Variants in SLC38A8 observed in about 807,000 individuals in gnomAD.
SLC38A8 encodes the protein solute carrier family 38 member 8, also known as amino acid transporter SLC38A8.
A neutral mutation model predicts 46.0 loss-of-function variants in SLC38A8; 65 were observed. The observed-to-expected ratio is 1.41, with a 90% CI of 1.16 to 1.74. The LOEUF (loss-of-function observed/expected upper bound fraction) is 1.74, where lower values mean the gene tolerates loss of function less well. Ranked by LOEUF, SLC38A8 falls within the 40% of genes most tolerant of loss-of-function variation. The probability of loss-of-function intolerance (pLI) is 0.00; values close to 1 mark genes in which losing one functional copy is unlikely to be tolerated. For missense variants in SLC38A8, 998 were observed against 567.9 expected (o/e 1.76, Z -7.70); for synonymous variants, 447 against 243.7 (o/e 1.83, Z -7.77).
At chr16:84,025,147 A>G (rs2085146692) in intron 6 of SLC38A8, among the ~76,000 whole-genome samples, 1 of 106,300 alleles carries the variant, frequency 9.4e-6, no homozygotes, top group African/African-American at 3.0e-5. Context: ...GTCCAGACAC[A>G]CCGGGCGGGG....
At chr16:84,020,759 T>C (rs1356796701) in intron 7 of SLC38A8, among the ~76,000 whole-genome samples, 1 of 152,204 alleles carries the variant, frequency 6.6e-6, no homozygotes, top group Non-Finnish European at 1.5e-5. Context: ...GCCTCTAAGA[T>C]ATCTGAAATG....
chr16:84,015,064 G>GGGGATACCT (rs1398885065), intron 9 of SLC38A8, among the ~76,000 whole-genome samples: 34 of 152,220 alleles, frequency 2.2e-4, no homozygotes, highest in Admixed American at 4.6e-4. Context: ...TCAGGGTGTT[G>GGGGATACCT]GGGATACCTG....
chr16:84,026,852 C>A (rs571115110), intron 6 of SLC38A8, among the ~76,000 whole-genome samples: 11 of 152,248 alleles, frequency 7.2e-5, no homozygotes, highest in African/African-American at 9.6e-5. Context: ...TCCAGACAGA[C>A]AAGAAGTGCA....
At chr16:84,033,938 A>C (rs1280492020) in intron 3 of SLC38A8, among the ~76,000 whole-genome samples, 2 of 152,234 alleles carry the variant, frequency 1.3e-5, no homozygotes, top group Non-Finnish European at 2.9e-5. Flanking sequence ...GCAGTGGCTC[A>C]AAACCACTTT....
At position 84,022,788 on chromosome 16, in the gene SLC38A8, G is replaced by A; in HGVS notation, c.792C>T (p.Ile264=). 6.2e-7 allele frequency: 1 copy of A among 1,614,062 alleles called. No homozygotes were observed. The highest frequency in any genetic ancestry group is 8.5e-7 in the Non-Finnish European group (1 of 1,179,988). The change falls in exon 7 of 11, where the codon ATC becomes ATT. Residue 264 remains isoleucine, a synonymous_variant. Transcript: ENST00000299709. ...SVLSLLACCL[I]YSLTGVYGFL... is the part of the protein sequence containing the mutation. ...GAAGGGCCTTACCCGTCAGTGAATA[G>A]ATGAGGCAGCAGGCCAGCAAGGACA...
At chr16:84,033,934 G>T (rs999276718) in intron 3 of SLC38A8, among the ~76,000 whole-genome samples, 1 of 152,230 alleles carries the variant, frequency 6.6e-6, no homozygotes, top group Non-Finnish European at 1.5e-5. Flanking sequence ...AAATGCAGTG[G>T]CTCAAAACCA....
At chr16:84,033,554 G>A (rs973622783) in intron 3 of SLC38A8, 85 bp from the exon 4 acceptor site, 3 of 1,455,350 alleles carry the variant, frequency 2.1e-6, no homozygotes, top group Non-Finnish European at 1.8e-6. Flanking sequence ...ACCCTGGCTG[G>A]GGTTGGACAT....
intron 9 of SLC38A8, 94 bp downstream of exon 9, chr16:84,016,425 C>A: frequency 7.0e-7 from 1 of 1,432,318 alleles, no homozygotes; most frequent in Non-Finnish European, 9.4e-7. Context: ...GTGGCTCCCA[C>A]CTTCCAGAAC....
chr16:84,037,340 G>A (rs961209697), intron 2 of SLC38A8, among the ~76,000 whole-genome samples: 3 of 152,252 alleles, frequency 2.0e-5, no homozygotes, highest in African/African-American at 7.2e-5. Context: ...CATGAAGCAG[G>A]ATGGCAACCT....
chr16:84,013,128 T>A, intron 9 of SLC38A8, 76 bp from the exon 10 acceptor site: 1 of 1,567,178 alleles, frequency 6.4e-7, no homozygotes, highest in South Asian at 1.1e-5. Context: ...GGAGAGGTCC[T>A]CAGGGACCCA....
rs763037826 is a variant in SLC38A8, at chr16:84,031,910, G to C, written c.589C>G (p.Leu197Val). 1.2e-6 allele frequency: 2 copies of C among 1,614,090 alleles called. No homozygotes were observed. Among genetic ancestry groups the C allele is most frequent in the African/African-American group, 1.3e-5 (1 of 74,954 alleles). The change falls in exon 5 of 11, where the codon CTC (leucine) becomes GTC (valine). Residue 197 changes from leucine to valine, a missense_variant. Physicochemically the swap from Leu to Val is conservative, Grantham distance 32. Coordinates refer to ENST00000299709, the MANE Select transcript of SLC38A8 (RefSeq NM_001080442.3). The part of the protein sequence containing the change: ...LALVITVQYY[L>V]WPQGLVRESH... ...TCACGCACGAGGCCCTGGGGCCAGA[G>C]GTAGTACTGCACGGTGATGACCAGG...
At position 84,017,203 on chromosome 16, in the gene SLC38A8, A is replaced by G; in HGVS notation, c.890T>C (p.Val297Ala). 6.2e-7 allele frequency: 1 copy of G among 1,614,182 alleles called. No homozygotes were observed. Among genetic ancestry groups the G allele is most frequent in the Non-Finnish European group, 8.5e-7 (1 of 1,180,030 alleles). The change falls in exon 8 of 11, where the codon GTG becomes GCG. Residue 297 changes from valine (V) to alanine (A), a missense_variant. Transcript: ENST00000299709. ...GGAGACAGCAAAAAGGACCCGGGCC[A>G]CAATGATGACCATATCATTGCCTGG... ...SYPGNDMVII[V>A]ARVLFAVSIV...
chr16:84,038,202 T>G (rs182011587), intron 2 of SLC38A8, among the ~76,000 whole-genome samples: 1 of 151,974 alleles, frequency 6.6e-6, no homozygotes, highest in African/African-American at 2.4e-5. Flanking sequence ...TTCCAGCTAC[T>G]TGGGAGGCTG....
At chr16:84,010,456 G>C (rs1383554711) in intron 10 of SLC38A8, among the ~76,000 whole-genome samples, 4 of 152,062 alleles carry the variant, frequency 2.6e-5, no homozygotes, top group Admixed American at 1.3e-4. Context: ...AAAAAGACAT[G>C]GGGGCCAGGC....
At chr16:84,035,199 G>A (rs542968809) in intron 3 of SLC38A8, among the ~76,000 whole-genome samples, 13 of 152,312 alleles carry the variant, frequency 8.5e-5, no homozygotes, top group African/African-American at 2.6e-4. Flanking sequence ...CCAGTTCAGT[G>A]GAGTTGAAAC....
chr16:84,029,479 A>G lies in SLC38A8; in HGVS notation c.690+15T>C. ...CTGCAAACGCCACAGGCTGCAACACAGATGCTAAAATTACCTGAAACCCGA... is the reference window on the plus strand; with the variant it reads ...CTGCAAACGCCACAGGCTGCAACACGGATGCTAAAATTACCTGAAACCCGA... On this transcript the variant is annotated intron_variant, in intron 6 of 10. Transcript: ENST00000299709. 1 of 1,613,854 alleles carries G rather than the reference A, an allele frequency of 6.2e-7. No homozygotes were observed. Among genetic ancestry groups the G allele is most frequent in the Non-Finnish European group, 8.5e-7 (1 of 1,179,832 alleles).
intron 10 of SLC38A8, among the ~76,000 whole-genome samples, 197 bp downstream of exon 10, chr16:84,012,804 C>A (rs549547902): frequency 6.6e-6 from 1 of 152,190 alleles, no homozygotes; most frequent in African/African-American, 2.4e-5. Flanking sequence ...TTGGAGGACC[C>A]GGTGTTACTG....
At chr16:84,018,243 T>TTC in intron 7 of SLC38A8, among the ~76,000 whole-genome samples, 1 of 142,732 alleles carries the variant, frequency 7.0e-6, no homozygotes, top group African/African-American at 2.6e-5. Flanking sequence ...TTTTTTTTTT[T>TTC]TTTTTTTGAG....
intron 5 of SLC38A8, among the ~76,000 whole-genome samples, 191 bp downstream of exon 5, chr16:84,031,676 G>A (rs1459466360): frequency 2.0e-5 from 3 of 151,148 alleles, no homozygotes; most frequent in East Asian, 2.0e-4. Flanking sequence ...CGCTAGCCAC[G>A]GCCAGGTCCC....
Sources: allele counts gnomAD v4.1 joint callset (sites outside exome capture counted in the v4.1 genomes callset), GRCh38; gene constraint gnomAD v4.1.1; transcripts MANE v1.5; gene names NCBI Gene and HGNC (gene_info 2026-07-23, HGNC 2026-07-21).